The following NMU variants were observed in gnomAD, a reference collection of about 807,000 sequenced individuals.
NMU encodes the protein neuromedin-U.
In NMU, 29 loss-of-function variants were observed where a neutral mutation model predicts 35.4. The ratio of observed to expected loss-of-function variants is 0.82; its 90% CI spans 0.61 to 1.12. The LOEUF (loss-of-function observed/expected upper bound fraction) is 1.12, where lower values mean the gene tolerates loss of function less well. NMU is among the 50% of genes most tolerant of loss of function. The pLI is 0.00. For missense variants in NMU, 199 were observed against 206.2 expected (o/e 0.97, Z 0.21); for synonymous variants, 78 against 81.3 (o/e 0.96, Z 0.22).
chr4:55,607,339 G>C lies in NMU; in HGVS notation c.319C>G (p.His107Asp). Residue 107 changes from histidine (H) to aspartate (D), a missense_variant, in exon 6 of 10, where the codon CAT becomes GAT. His to Asp is a moderately conservative substitution (Grantham distance 81). Transcript: ENST00000264218. ...EKDNTKRFLF[H>D]YSKTQKLGKS... ...CCCAACTTCTGTGTCTTCGAATAAT[G>C]AAATAAGAACTGTTTAAAAAAAGCA... 2 of 1,606,276 alleles carry C rather than the reference G, an allele frequency of 1.2e-6. No homozygotes were observed. Among genetic ancestry groups the C allele is most frequent in the Non-Finnish European group, 1.7e-6 (2 of 1,173,506 alleles).
At chr4:55,631,751 A>C (rs1734763662) in intron 1 of NMU, among the ~76,000 whole-genome samples, 1 of 152,260 alleles carries the variant, frequency 6.6e-6, no homozygotes, top group Non-Finnish European at 1.5e-5. Context: ...GGAAAACAGT[A>C]TGGAAATTCC....
chr4:55,600,958 C>G (rs1260149615), intron 7 of NMU, among the ~76,000 whole-genome samples: 2 of 151,924 alleles, frequency 1.3e-5, no homozygotes, highest in Admixed American at 1.3e-4. Flanking sequence ...CATGTGTTAA[C>G]CCATGAACAG....
intron 2 of NMU, among the ~76,000 whole-genome samples, chr4:55,630,045 T>A (rs1253450988): frequency 1.1e-4 from 1 of 9,232 alleles, no homozygotes; most frequent in Non-Finnish European, 4.0e-4. Context: ...TTATACTTAG[T>A]CTTTTTTTTG....
At chr4:55,627,143 C>G (rs776258512) in intron 2 of NMU, among the ~76,000 whole-genome samples, 1 of 152,168 alleles carries the variant, frequency 6.6e-6, no homozygotes, top group Non-Finnish European at 1.5e-5. Context: ...CCTGGGATGG[C>G]AAATGCCAAA....
At chr4:55,611,864 G>A (rs531796729) in intron 3 of NMU, among the ~76,000 whole-genome samples, 51 of 152,280 alleles carry the variant, frequency 3.3e-4, no homozygotes, top group Non-Finnish European at 6.3e-4. Context: ...TTTAAGTGAT[G>A]CATGACTATA....
chr4:55,614,520 C>T (rs1013646693), intron 3 of NMU, among the ~76,000 whole-genome samples: 12 of 152,092 alleles, frequency 7.9e-5, no homozygotes, highest in African/African-American at 2.7e-4. Context: ...AGAACATCAC[C>T]AATATACTAC....
At chr4:55,608,267 T>A (rs1211541393) in intron 4 of NMU, among the ~76,000 whole-genome samples, 2 of 152,048 alleles carry the variant, frequency 1.3e-5, no homozygotes, top group Admixed American at 1.3e-4. Flanking sequence ...AGACCATGAA[T>A]AAACACCGTT....
chr4:55,634,645 A>C (rs908662527), intron 1 of NMU, among the ~76,000 whole-genome samples: 1 of 152,236 alleles, frequency 6.6e-6, no homozygotes, highest in Non-Finnish European at 1.5e-5. Context: ...TTACATAGCA[A>C]AGTCAGTTTT....
intron 4 of NMU, among the ~76,000 whole-genome samples, chr4:55,608,285 C>G (rs1012160191): frequency 6.6e-6 from 1 of 151,182 alleles, no homozygotes; most frequent in African/African-American, 2.4e-5. Context: ...GTTGTCATTT[C>G]TTTTATCTTA....
intron 6 of NMU, among the ~76,000 whole-genome samples, chr4:55,606,958 A>AT (rs1409057311): frequency 6.6e-6 from 1 of 152,132 alleles, no homozygotes; most frequent in Non-Finnish European, 1.5e-5. Flanking sequence ...GATTACAGGC[A>AT]TGAGCCACCA....
chr4:55,617,245 T>C (rs1734143393), intron 2 of NMU, among the ~76,000 whole-genome samples: 1 of 152,190 alleles, frequency 6.6e-6, no homozygotes. Flanking sequence ...CTGTCATAAA[T>C]TCTCAAGCTC....
chr4:55,632,446 A>G (rs961278028), intron 1 of NMU, among the ~76,000 whole-genome samples: 5 of 152,242 alleles, frequency 3.3e-5, no homozygotes, highest in African/African-American at 1.2e-4. Flanking sequence ...CATGCAGTCC[A>G]TAAAAGAGTT....
upstream of NMU, chr4:55,636,316 C>T (rs986263729): frequency 7.5e-7 from 1 of 1,326,534 alleles, no homozygotes; most frequent in Non-Finnish European, 9.7e-7. The surrounding 1 kb of genome is among the most constrained non-coding windows in gnomAD (Gnocchi z 4.0). Context: ...CGGCGAGCCG[C>T]CAACTTTTAA....
intron 2 of NMU, among the ~76,000 whole-genome samples, chr4:55,625,141 A>T (rs539929584): frequency 1.5e-5 from 2 of 131,086 alleles, no homozygotes; most frequent in African/African-American, 5.5e-5. Flanking sequence ...CACAAAGTGC[A>T]CATGTACCCT....
intron 9 of NMU, among the ~76,000 whole-genome samples, chr4:55,596,244 A>G (rs1015835611): frequency 1.3e-5 from 2 of 152,118 alleles, no homozygotes; most frequent in Non-Finnish European, 2.9e-5. Context: ...ACAAAGAAAA[A>G]ATGATTATTA....
At chr4:55,619,485 T>C (rs1734282108) in intron 2 of NMU, among the ~76,000 whole-genome samples, 1 of 138,102 alleles carries the variant, frequency 7.2e-6, no homozygotes, top group Non-Finnish European at 1.6e-5. Flanking sequence ...ACCACGAGAC[T>C]ATATCCCACA....
At chr4:55,618,704 TTC>T (rs1479970748) in intron 2 of NMU, among the ~76,000 whole-genome samples, 2 of 143,834 alleles carry the variant, frequency 1.4e-5, no homozygotes, top group African/African-American at 2.5e-5. Context: ...TCTCTCTTCT[TTC>T]TTTTTCTTTC....
intron 3 of NMU, among the ~76,000 whole-genome samples, chr4:55,611,888 C>G (rs1230210706): frequency 6.6e-6 from 1 of 152,216 alleles, no homozygotes; most frequent in Non-Finnish European, 1.5e-5. Context: ...AATTTGTATT[C>G]TGTCCTACAC....
intron 2 of NMU, among the ~76,000 whole-genome samples, chr4:55,629,236 T>C (rs955454070): frequency 6.6e-6 from 1 of 152,190 alleles, no homozygotes; most frequent in African/African-American, 2.4e-5. Context: ...AGAATGTGTA[T>C]ACTATTTAGT....
Sources: allele counts gnomAD v4.1 joint callset (sites outside exome capture counted in the v4.1 genomes callset), GRCh38; gene constraint gnomAD v4.1.1; non-coding constraint Gnocchi (gnomAD v3.1); transcripts MANE v1.5; gene names NCBI Gene and HGNC (gene_info 2026-07-23, HGNC 2026-07-21).